ATP8A1: variants seen among roughly 807,000 people sequenced by gnomAD.
ATP8A1 encodes the protein ATPase phospholipid transporting 8A1, also known as phospholipid-transporting ATPase IA.
A neutral mutation model predicts 177.7 loss-of-function variants in ATP8A1; 90 were observed. The observed-to-expected ratio is 0.51, with a 90% CI of 0.43 to 0.60. ATP8A1 has a LOEUF of 0.60. ATP8A1 is among the 20% of genes least tolerant of loss of function. The probability of loss-of-function intolerance (pLI) is 0.00; values close to 1 mark genes in which losing one functional copy is unlikely to be tolerated. For missense variants in ATP8A1, 1,072 were observed against 1,392.8 expected (o/e 0.77, Z 3.67); for synonymous variants, 493 against 485.9 (o/e 1.01, Z -0.19).
At chr4:42,426,213 T>C (rs1298834989) in intron 33 of ATP8A1, among the ~76,000 whole-genome samples, 1 of 152,222 alleles carries the variant, frequency 6.6e-6, no homozygotes, top group East Asian at 1.9e-4. Context: ...TGTTAGCACC[T>C]ACGTTCCCAC....
At chr4:42,440,851 C>T (rs1298975203) in intron 33 of ATP8A1, among the ~76,000 whole-genome samples, 4 of 152,154 alleles carry the variant, frequency 2.6e-5, no homozygotes, top group East Asian at 1.9e-4. Context: ...CTGTCTGCTC[C>T]ACCTCTACAA....
At position 42,412,002 on chromosome 4, in the gene ATP8A1, G is replaced by C. The variant is rs186812612; in HGVS notation, c.*914C>G. 1.1e-4 allele frequency: 17 copies of C among 152,292 alleles called. No homozygotes were observed. The allele number at this position is 152,292 out of a possible 1,614,324, so 9.4% of individuals were successfully genotyped here. On this transcript the variant is annotated 3_prime_UTR_variant, in exon 37 of 37. Transcript: ENST00000381668. ...TAAATACGTAGCATATGTTTCTTAAGAGGAAAAACTTTAAGACAAAATGAC... is the reference window on the plus strand; with the variant it reads ...TAAATACGTAGCATATGTTTCTTAACAGGAAAAACTTTAAGACAAAATGAC...
intron 35 of ATP8A1, among the ~76,000 whole-genome samples, chr4:42,421,152 G>GTAC (rs1713877753): frequency 6.6e-6 from 1 of 152,080 alleles, no homozygotes; most frequent in East Asian, 1.9e-4. Flanking sequence ...ACAAACTGCA[G>GTAC]GTACTTTCCT....
chr4:42,509,475 A>G (rs1028099735), intron 22 of ATP8A1, among the ~76,000 whole-genome samples: 1 of 152,242 alleles, frequency 6.6e-6, no homozygotes, highest in African/African-American at 2.4e-5. Context: ...CTTTGTATAC[A>G]TGAGTATGTA....
At chr4:42,562,789 G>T (rs190906752) in intron 15 of ATP8A1, among the ~76,000 whole-genome samples, 1 of 152,156 alleles carries the variant, frequency 6.6e-6, no homozygotes, top group Non-Finnish European at 1.5e-5. Context: ...TTACAAGGGG[G>T]AGTTTTCCTG....
At chr4:42,577,684 TAAC>T (rs1392232629) in intron 12 of ATP8A1, among the ~76,000 whole-genome samples, 1 of 152,154 alleles carries the variant, frequency 6.6e-6, no homozygotes, top group Non-Finnish European at 1.5e-5. Flanking sequence ...TTCTAATATT[TAAC>T]AATATTCAAG....
At chr4:42,580,414 A>G (rs2109341257) in intron 10 of ATP8A1, among the ~76,000 whole-genome samples, 1 of 152,328 alleles carries the variant, frequency 6.6e-6, no homozygotes, top group Admixed American at 6.5e-5. Context: ...GCAACATTTA[A>G]AGGATCTCCG....
intron 22 of ATP8A1, among the ~76,000 whole-genome samples, chr4:42,512,644 G>A (rs904893731): frequency 2.6e-5 from 4 of 152,182 alleles, no homozygotes; most frequent in Non-Finnish European, 5.9e-5. Flanking sequence ...AACCCTGACT[G>A]CCTGGTTGTC....
intron 35 of ATP8A1, among the ~76,000 whole-genome samples, chr4:42,422,537 A>G (rs998403971): frequency 2.6e-5 from 4 of 152,148 alleles, no homozygotes; most frequent in Non-Finnish European, 5.9e-5. Context: ...ATAATACTTC[A>G]TTCAACTCTT....
rs1228310579 is a variant in ATP8A1, at chr4:42,533,466, C to T, written c.1723-8619G>A. On this transcript the variant is annotated intron_variant, in intron 20 of 36. Coordinates refer to ENST00000381668, the MANE Select transcript of ATP8A1 (RefSeq NM_006095.2). The stretch of plus-strand genomic sequence containing the variant: ...AACATAACTCCATTGGCCTGGGAAC[C>T]GCACCCCCATCCCCACAGCAGCCTC... Among the ~76,000 whole-genome samples the T allele has an allele frequency of 2.0e-5, 3 of 152,050 alleles. No homozygotes were observed. The East Asian group carries it at 5.8e-4, about 29-fold the overall frequency.
chr4:42,522,960 T>C (rs1266068303), intron 21 of ATP8A1, among the ~76,000 whole-genome samples: 1 of 151,810 alleles, frequency 6.6e-6, no homozygotes, highest in Admixed American at 6.6e-5. Context: ...GCTGACTTAT[T>C]ATAGAGGCCT....
chr4:42,436,918 T>C (rs1716060645), intron 33 of ATP8A1, among the ~76,000 whole-genome samples: 1 of 152,210 alleles, frequency 6.6e-6, no homozygotes, highest in Admixed American at 6.5e-5. Context: ...TTTAGGAAAA[T>C]CATATCACTA....
intron 6 of ATP8A1, among the ~76,000 whole-genome samples, chr4:42,599,796 CAA>C (rs1735067244): frequency 6.6e-6 from 1 of 152,122 alleles, no homozygotes; most frequent in African/African-American, 2.4e-5. Context: ...GCTCAGACTC[CAA>C]AAAGTCTTTT....
At chr4:42,440,245 T>C (rs372160276) in intron 33 of ATP8A1, among the ~76,000 whole-genome samples, 6 of 152,078 alleles carry the variant, frequency 3.9e-5, no homozygotes, top group East Asian at 3.9e-4. Flanking sequence ...TTTACTGGAA[T>C]AGCCTCCTAA....
At chr4:42,592,809 C>T (rs1282195479) in intron 6 of ATP8A1, among the ~76,000 whole-genome samples, 2 of 152,020 alleles carry the variant, frequency 1.3e-5, no homozygotes, top group Non-Finnish European at 2.9e-5. Context: ...AACAGTAACA[C>T]AATACTAAGT....
intron 35 of ATP8A1, among the ~76,000 whole-genome samples, chr4:42,417,734 T>C (rs1278675769): frequency 6.6e-6 from 1 of 152,226 alleles, no homozygotes; most frequent in African/African-American, 2.4e-5. Context: ...GCTATTTAGG[T>C]TGACTCATTA....
intron 9 of ATP8A1, among the ~76,000 whole-genome samples, chr4:42,582,794 T>C (rs1478844457): frequency 1.3e-5 from 2 of 152,076 alleles, no homozygotes; most frequent in Non-Finnish European, 2.9e-5. Context: ...CAGTTGGTAT[T>C]TTTGTGGATT....
chr4:42,436,204 C>T (rs1226662285), intron 33 of ATP8A1, among the ~76,000 whole-genome samples: 21 of 152,110 alleles, frequency 1.4e-4, no homozygotes, highest in Admixed American at 1.3e-3. Flanking sequence ...GCCTCTCTCT[C>T]GTTTATGACA....
At chr4:42,606,350 G>A (rs902096824) in intron 5 of ATP8A1, among the ~76,000 whole-genome samples, 6 of 152,170 alleles carry the variant, frequency 3.9e-5, no homozygotes, top group Non-Finnish European at 7.3e-5. Flanking sequence ...GGGTGTTGAA[G>A]CTCCATGGTA....
Sources: gnomAD v4.1 joint callset for allele counts (sites outside exome capture counted in the v4.1 genomes callset) on GRCh38, gnomAD v4.1.1 for gene constraint, MANE v1.5 for transcripts, NCBI Gene and HGNC (gene_info 2026-07-23, HGNC 2026-07-21) for gene names.